The following DISC1 variants were observed in gnomAD, a reference collection of about 807,000 sequenced individuals.
DISC1 encodes the protein DISC1 scaffold protein, also known as disrupted in schizophrenia 1 protein.
Under a neutral mutation model 84.5 loss-of-function variants are expected in DISC1, and 57 were observed. The ratio of observed to expected loss-of-function variants is 0.67; its 90% CI spans 0.55 to 0.84. The LOEUF (loss-of-function observed/expected upper bound fraction) is 0.84. Ranked by LOEUF, DISC1 falls within the 40% of genes least tolerant of loss-of-function variation. DISC1 has a pLI of 0.00. For synonymous variants in DISC1, 411 were observed against 415.2 expected (o/e 0.99, Z 0.12); for missense variants, 1,000 against 1,057.8 (o/e 0.95, Z 0.76).
At chr1:232,011,653 G>T (rs1668026014) in intron 11 of DISC1, among the ~76,000 whole-genome samples, 1 of 152,110 alleles carries the variant, frequency 6.6e-6, no homozygotes, top group South Asian at 2.1e-4. Flanking sequence ...GGAAGTTGGG[G>T]GCGGTTGATA....
At position 231,675,145 on chromosome 1, in the gene DISC1, C is replaced by T. The variant is rs2063010733; in HGVS notation, c.68-18681C>T. Among the ~76,000 whole-genome samples the T allele has an allele frequency of 6.6e-6, 1 of 152,108 alleles. No individual in the cohort carries two copies. The highest frequency in any genetic ancestry group is 1.5e-5 in the Non-Finnish European group (1 of 68,024). ...TAATGAAAAGCTGAGACCCTTGATA[C>T]TCTGCACACGGCTAGTATGGGCTTT... On this transcript the variant is annotated intron_variant, in intron 1 of 12. Transcript: ENST00000439617. The surrounding 1 kb of genome is among the most constrained non-coding windows in gnomAD (Gnocchi z 4.1).
At chr1:231,901,124 A>G (rs2088139112) in intron 9 of DISC1, among the ~76,000 whole-genome samples, 1 of 152,194 alleles carries the variant, frequency 6.6e-6, no homozygotes, top group Admixed American at 6.5e-5. Flanking sequence ...ACTGCTGCAG[A>G]TAGTTCTCAA....
chr1:232,036,761 C>T lies in DISC1; in HGVS notation c.2495C>T (p.Ala832Val). 6.2e-7 allele frequency: 1 copy of T among 1,601,992 alleles called. No homozygotes were observed. The highest frequency in any genetic ancestry group is 8.5e-7 in the Non-Finnish European group (1 of 1,173,026). The change falls in exon 13 of 13, where the codon GCA becomes GTA. Residue 832 changes from alanine to valine, a missense_variant. Coordinates refer to ENST00000439617, the MANE Select transcript of DISC1 (RefSeq NM_018662.3). ...GCCATGATCCTGCAGCTCCAGCCAG[C>T]AAAGGAGGCGGGAGAAAGAGAAGCT... ...LQAMILQLQPAKEAGEREAAA... is the reference protein window; with the variant it reads ...LQAMILQLQPVKEAGEREAAA...
intron 5 of DISC1, among the ~76,000 whole-genome samples, chr1:231,767,741 A>G (rs2076271096): frequency 6.6e-6 from 1 of 152,250 alleles, no homozygotes; most frequent in Non-Finnish European, 1.5e-5. Context: ...TAGGAATCTC[A>G]TTACAAACGA....
At chr1:231,882,812 A>G (rs1418337617) in intron 9 of DISC1, among the ~76,000 whole-genome samples, 2 of 152,018 alleles carry the variant, frequency 1.3e-5, no homozygotes, top group African/African-American at 4.8e-5. Context: ...TGAACGTGGA[A>G]TGGCCTGAAA....
chr1:231,771,660 T>C lies in DISC1; in HGVS notation c.1634+590T>C, dbSNP rs1272183730. 7 of 892,210 alleles carry C rather than the reference T, an allele frequency of 7.8e-6. No homozygotes were observed. In the South Asian group the frequency reaches 3.6e-4, roughly 46 times the overall value. 55.3% of individuals were successfully genotyped at this position (892,210 alleles called of 1,614,324 possible). A position where few individuals can be genotyped will look rare whatever the true frequency, so the allele number is the denominator to read the frequency against. ...GTTATAATTTGCCCAAAGTCCTAAT[T>C]AATAAGAGAGAAAACTGATATTTAC... On this transcript the variant is annotated intron_variant, in intron 6 of 12. Coordinates refer to ENST00000439617, the MANE Select transcript of DISC1 (RefSeq NM_018662.3).
intron 7 of DISC1, among the ~76,000 whole-genome samples, chr1:231,798,897 A>C (rs1230730139): frequency 6.6e-6 from 1 of 152,188 alleles, no homozygotes; most frequent in African/African-American, 2.4e-5. Flanking sequence ...GACTCCAAAA[A>C]TAATCTCAAT....
In DISC1 at chr1:231,675,665, G is replaced by A. The variant is rs199767840; in HGVS notation, c.68-18161G>A. 4.6e-5 allele frequency among the ~76,000 whole-genome samples: 7 copies of A among 152,030 alleles called. No homozygotes were observed. Among genetic ancestry groups the A allele is most frequent in the Admixed American group, 1.3e-4 (2 of 15,268 alleles). On this transcript the variant is annotated intron_variant, in intron 1 of 12. Transcript: ENST00000439617. This position sits in a 1 kb window ranked among gnomAD's most constrained non-coding sequence, Gnocchi z 4.1. ...GGGACAGCCATGGAGGCCCATGTGC[G>A]CCATTGCCCTTATCCCTTGGGGGCT... is the stretch of plus-strand genomic sequence containing the variant.
intron 3 of DISC1, among the ~76,000 whole-genome samples, chr1:231,709,799 G>A (rs1466386897): frequency 2.0e-5 from 3 of 152,104 alleles, no homozygotes; most frequent in Non-Finnish European, 4.4e-5. Flanking sequence ...TCTTATTCAC[G>A]TTTTATGCAT....
intron 1 of DISC1, among the ~76,000 whole-genome samples, chr1:231,641,548 G>A (rs1385004003): frequency 6.6e-6 from 1 of 152,218 alleles, no homozygotes; most frequent in East Asian, 1.9e-4. Flanking sequence ...AACAGCGAAA[G>A]AACAAAGCTT....
chr1:231,989,262 G>C (rs1360814704), intron 10 of DISC1, among the ~76,000 whole-genome samples: 1 of 152,214 alleles, frequency 6.6e-6, no homozygotes, highest in Non-Finnish European at 1.5e-5. Flanking sequence ...TCTTCCTGCT[G>C]TTTCAGCTGA....
chr1:231,845,862 T>A (rs2083414912), intron 9 of DISC1, among the ~76,000 whole-genome samples: 3 of 151,978 alleles, frequency 2.0e-5, no homozygotes, highest in Middle Eastern at 3.4e-3. Flanking sequence ...TGGGTGCAGA[T>A]GAAGCCAAGG....
At chr1:232,015,703 A>C (rs1462025429) in intron 11 of DISC1, among the ~76,000 whole-genome samples, 1 of 152,150 alleles carries the variant, frequency 6.6e-6, no homozygotes, top group Admixed American at 6.5e-5. Context: ...GGAGATGAAC[A>C]CTGGAGTTCC....
Position 232,036,822 on chromosome 1 carries a change from A to G in DISC1, c.2556A>G (p.Ala852=). 1 of 1,589,226 alleles carries G rather than the reference A, an allele frequency of 6.3e-7. No homozygotes were observed. Among genetic ancestry groups the G allele is most frequent in the Non-Finnish European group, 8.6e-7 (1 of 1,163,568 alleles). The part of the protein sequence containing the change: ...ASCMTAGVHE[A]QA ...GCATGACAGCTGGTGTCCACGAAGCACAAGCCTGAGGAGTGACGGGATGGG... is the reference window on the plus strand; with the variant it reads ...GCATGACAGCTGGTGTCCACGAAGCGCAAGCCTGAGGAGTGACGGGATGGG... Residue 852 remains alanine (A), a synonymous_variant, in exon 13 of 13, where the codon GCA becomes GCG. Coordinates refer to ENST00000439617, the MANE Select transcript of DISC1 (RefSeq NM_018662.3).
intron 6 of DISC1, among the ~76,000 whole-genome samples, chr1:231,791,965 A>G (rs115049550): frequency 6.6e-6 from 1 of 152,126 alleles, no homozygotes; most frequent in Non-Finnish European, 1.5e-5. Flanking sequence ...TGTTATCTTT[A>G]TTATGTTTTA....
chr1:231,807,001 G>A (rs2079786309), intron 8 of DISC1, among the ~76,000 whole-genome samples: 1 of 152,230 alleles, frequency 6.6e-6, no homozygotes, highest in Non-Finnish European at 1.5e-5. Context: ...CCACGGACCT[G>A]TAGTGATGAG....
intron 9 of DISC1, among the ~76,000 whole-genome samples, chr1:231,899,904 A>G (rs190511480): frequency 2.0e-5 from 3 of 152,342 alleles, no homozygotes; most frequent in Non-Finnish European, 2.9e-5. Context: ...CCCAAAATAG[A>G]CACATAATAT....
chr1:231,929,727 G>A (rs1287430095), intron 9 of DISC1, among the ~76,000 whole-genome samples: 4 of 152,242 alleles, frequency 2.6e-5, no homozygotes, highest in African/African-American at 9.6e-5. Flanking sequence ...CAGAAAAGGG[G>A]CTTTTGAAGG....
chr1:231,892,794 C>T (rs969359167), intron 9 of DISC1, among the ~76,000 whole-genome samples: 10 of 151,634 alleles, frequency 6.6e-5, no homozygotes, highest in Admixed American at 3.9e-4. Flanking sequence ...AAATAAATAA[C>T]GGGGAGAAAG....
Sources: allele counts gnomAD v4.1 joint callset (sites outside exome capture counted in the v4.1 genomes callset), GRCh38; gene constraint gnomAD v4.1.1; non-coding constraint Gnocchi (gnomAD v3.1); transcripts MANE v1.5; gene names NCBI Gene and HGNC (gene_info 2026-07-23, HGNC 2026-07-21).